Variants in DPP6 observed in about 807,000 individuals in gnomAD.
The protein encoded by DPP6 is A-type potassium channel modulatory protein DPP6.
Under a neutral mutation model 122.6 loss-of-function variants are expected in DPP6, and 69 were observed. The observed-to-expected ratio is 0.56, with a 90% CI of 0.46 to 0.69. The LOEUF is 0.69. Ranked by LOEUF, DPP6 falls within the 30% of genes least tolerant of loss-of-function variation. DPP6 has a pLI of 0.00. For missense variants in DPP6, 928 were observed against 1,116.9 expected (o/e 0.83, Z 2.41); for synonymous variants, 418 against 433.1 (o/e 0.97, Z 0.43).
chr7:154,185,080 A>T (rs1372960331), intron 1 of DPP6, among the ~76,000 whole-genome samples: 1 of 152,222 alleles, frequency 6.6e-6, no homozygotes, highest in Non-Finnish European at 1.5e-5. Flanking sequence ...CAGAAGCCCT[A>T]TCTAACTAGA....
At chr7:154,720,199 G>A (rs1003089622) in intron 7 of DPP6, among the ~76,000 whole-genome samples, 2 of 152,148 alleles carry the variant, frequency 1.3e-5, no homozygotes, top group Non-Finnish European at 2.9e-5. Context: ...AGAGTGAATC[G>A]ATGGACTGAG....
chr7:154,432,771 G>A (rs1269833558), intron 1 of DPP6, among the ~76,000 whole-genome samples: 1 of 152,172 alleles, frequency 6.6e-6, no homozygotes, highest in African/African-American at 2.4e-5. Context: ...ACGGAAGTGG[G>A]CATCACAGGT....
At chr7:154,333,530 T>A (rs544689746) in intron 1 of DPP6, among the ~76,000 whole-genome samples, 1 of 152,224 alleles carries the variant, frequency 6.6e-6, no homozygotes, top group Non-Finnish European at 1.5e-5. Context: ...CATTGATTTC[T>A]CTCTCTGACA....
chr7:154,106,749 C>T (rs1313246198), intron 1 of DPP6, among the ~76,000 whole-genome samples: 1 of 151,950 alleles, frequency 6.6e-6, no homozygotes, highest in Admixed American at 6.6e-5. Flanking sequence ...GTGCACAGTC[C>T]CTGGAGAGAA....
At chr7:153,996,765 A>T (rs908107985) in intron 1 of DPP6, among the ~76,000 whole-genome samples, 9 of 152,238 alleles carry the variant, frequency 5.9e-5, no homozygotes, top group African/African-American at 1.9e-4. Context: ...ACAAACAACA[A>T]AAGGTAATTC....
chr7:154,202,238 C>T (rs1456628975), intron 1 of DPP6, among the ~76,000 whole-genome samples: 3 of 152,146 alleles, frequency 2.0e-5, no homozygotes, highest in African/African-American at 7.2e-5. Flanking sequence ...TGCGCTGGGT[C>T]TCTCCTCATA....
chr7:154,806,936 A>C (rs964279494), intron 15 of DPP6, 58 bp from the exon 16 acceptor site: 1 of 1,591,038 alleles, frequency 6.3e-7, no homozygotes, highest in Non-Finnish European at 8.6e-7. Context: ...TGCGGCACCC[A>C]GCGTGGAGGG....
At chr7:154,518,966 G>A (rs552909388) in intron 3 of DPP6, among the ~76,000 whole-genome samples, 3 of 152,120 alleles carry the variant, frequency 2.0e-5, no homozygotes, top group African/African-American at 2.4e-5. Context: ...CATCAGACAC[G>A]GGTTCTCATT....
intron 2 of DPP6, among the ~76,000 whole-genome samples, chr7:154,464,215 G>A (rs569691720): frequency 2.0e-5 from 3 of 152,248 alleles, no homozygotes; most frequent in South Asian, 2.1e-4. Context: ...TCTGCCTAGC[G>A]TTGCTTTACT....
At chr7:154,089,956 A>G (rs553999787) in intron 1 of DPP6, among the ~76,000 whole-genome samples, 1 of 152,318 alleles carries the variant, frequency 6.6e-6, no homozygotes, top group Admixed American at 6.5e-5. Flanking sequence ...TCAAGACCAT[A>G]TGTTTTATTA....
intron 2 of DPP6, among the ~76,000 whole-genome samples, chr7:154,465,595 CAT>C (rs1324361024): frequency 3.3e-5 from 5 of 152,208 alleles, no homozygotes; most frequent in East Asian, 1.9e-4. Context: ...GACCAAGAAA[CAT>C]ATGAAAAAAA....
chr7:154,666,736 G>A (rs6947173), intron 6 of DPP6, among the ~76,000 whole-genome samples: 82,573 of 151,958 alleles, frequency 0.54, 23,756 homozygotes, highest in South Asian at 0.67. Context: ...AGGATGTACC[G>A]TCATTTATTC....
intron 1 of DPP6, among the ~76,000 whole-genome samples, chr7:154,389,111 C>T (rs1428202921): frequency 6.6e-6 from 1 of 152,190 alleles, no homozygotes; most frequent in Non-Finnish European, 1.5e-5. Flanking sequence ...AAGTTCACGG[C>T]TCCCTCACCT....
chr7:154,242,854 C>T (rs1801714882), intron 1 of DPP6, among the ~76,000 whole-genome samples: 1 of 152,188 alleles, frequency 6.6e-6, no homozygotes, highest in African/African-American at 2.4e-5. Flanking sequence ...CAGGGCCTAG[C>T]AGTGGTTGCC....
At chr7:154,372,055 G>C (rs2075135) in intron 1 of DPP6, among the ~76,000 whole-genome samples, 11,928 of 152,008 alleles carry the variant, frequency 0.078, 533 homozygotes, top group African/African-American at 0.11. Context: ...AGGTGCCCTA[G>C]CAGAGATGAG....
At chr7:154,151,117 A>G (rs917453755) in intron 1 of DPP6, among the ~76,000 whole-genome samples, 6 of 152,190 alleles carry the variant, frequency 3.9e-5, no homozygotes, top group Admixed American at 3.9e-4. Context: ...TGGCCTCCCC[A>G]GTGCTTCCCC....
In DPP6 at chr7:154,608,341, A is replaced by ATATATT. The variant is rs1468792635; in HGVS notation, c.628-29479_628-29478insATATTT. ...TGATCATATATATATATATATATAT[A>ATATATT]TTTTGAGATGGAATCTCGCTCTGTT... On this transcript the variant is annotated intron_variant, in intron 5 of 25. Transcript: ENST00000377770. 1.9e-3 allele frequency among the ~76,000 whole-genome samples: 232 copies of ATATATT among 123,240 alleles called. 6 individuals are homozygous for ATATATT. Among genetic ancestry groups the ATATATT allele is most frequent in the African/African-American group, 6.5e-3 (227 of 35,174 alleles). The allele number at this position is 123,240 out of a possible 152,430, so 80.9% of individuals were successfully genotyped here.
At chr7:154,771,389 G>A (rs999449800) in intron 9 of DPP6, among the ~76,000 whole-genome samples, 4 of 152,184 alleles carry the variant, frequency 2.6e-5, no homozygotes, top group African/African-American at 4.8e-5. Flanking sequence ...GCAGACAGCC[G>A]CCTTCTCGCC....
At chr7:154,446,100 G>T in intron 1 of DPP6, 114 bp from the exon 2 acceptor site, 2 of 634,776 alleles carry the variant, frequency 3.2e-6, no homozygotes, top group Non-Finnish European at 5.3e-6. Context: ...ATGGGAAGAT[G>T]CCTCTTTCAC....
Sources: allele counts gnomAD v4.1 joint callset (sites outside exome capture counted in the v4.1 genomes callset), GRCh38; gene constraint gnomAD v4.1.1; transcripts MANE v1.5; gene names NCBI Gene and HGNC (gene_info 2026-07-23, HGNC 2026-07-21).